LEPR: variants seen among roughly 807,000 people sequenced by gnomAD.
LEPR encodes the protein leptin receptor.
In LEPR, 56 loss-of-function variants were observed where a neutral mutation model predicts 114.7. That is an observed-to-expected ratio of 0.49 (90% CI 0.39 to 0.61). The LOEUF (loss-of-function observed/expected upper bound fraction) is 0.61. Among genes scored for constraint, LEPR ranks in the 20% least tolerant of loss-of-function variants. LEPR has a pLI of 0.00. For missense variants in LEPR, 1,202 were observed against 1,352.9 expected, an observed-to-expected ratio of 0.89 and a Z score of 1.75; for synonymous variants, 443 against 461.4, an observed-to-expected ratio of 0.96 and a Z score of 0.51.
At position 65,636,949 on chromosome 1, in the gene LEPR, A is replaced by G. The variant is rs1191434485; in HGVS notation, c.3432A>G (p.Gln1144=). ...SKKTFASYMP[Q]FQTCSTQTHK... is the part of the protein sequence containing the mutation. ...AGACTTTTGCATCTTACATGCCTCAATTCCAAACTTGTTCTACTCAGACTC... is the reference window on the plus strand; with the variant it reads ...AGACTTTTGCATCTTACATGCCTCAGTTCCAAACTTGTTCTACTCAGACTC... The change falls in exon 20 of 20, where the codon CAA becomes CAG. Residue 1144 remains glutamine (Q), a synonymous_variant. Transcript: ENST00000349533. The G allele has an allele frequency of 3.1e-6, 5 of 1,610,102 alleles. No homozygotes were observed. Among genetic ancestry groups the G allele is most frequent in the Middle Eastern group, 1.7e-4 (1 of 6,046 alleles).
At position 65,601,587 on chromosome 1, in the gene LEPR, A is replaced by G; in HGVS notation, c.1190A>G (p.Asn397Ser). The change falls in exon 9 of 20, where the codon AAT becomes AGT. Residue 397 changes from asparagine to serine, a missense_variant. Physicochemically the swap from Asn to Ser is conservative, Grantham distance 46. Transcript: ENST00000349533. ...HVSKVTFFNL[N>S]ETKPRGKFTY... ...AGCAAAGTTACTTTTTTCAATCTGAATGAAACCAAACCTCGAGGAAAGTTT... is the reference window on the plus strand; with the variant it reads ...AGCAAAGTTACTTTTTTCAATCTGAGTGAAACCAAACCTCGAGGAAAGTTT... 4 of 1,613,826 alleles carry G rather than the reference A, an allele frequency of 2.5e-6. No individual in the cohort carries two copies. The highest frequency in any genetic ancestry group is 3.4e-6 in the Non-Finnish European group (4 of 1,179,784).
chr1:65,433,489 G>A, intron 2 of LEPR: 1 of 985,310 alleles, frequency 1.0e-6, no homozygotes, highest in Non-Finnish European at 1.2e-6. Flanking sequence ...TAGTCTTTAA[G>A]CATTGTTAAA....
chr1:65,549,049 AT>A (rs1652043762), intron 2 of LEPR, among the ~76,000 whole-genome samples: 1 of 151,320 alleles, frequency 6.6e-6, no homozygotes, highest in African/African-American at 2.4e-5. Flanking sequence ...AAAGTATTTT[AT>A]TTCTCCTTCA....
chr1:65,635,912 A>G (rs892235155), intron 19 of LEPR, among the ~76,000 whole-genome samples: 18 of 152,176 alleles, frequency 1.2e-4, no homozygotes, highest in Non-Finnish European at 2.2e-4. Context: ...TTTAGAGATG[A>G]TGAAATTGAA....
chr1:65,574,450 G>A (rs555371499), intron 5 of LEPR, among the ~76,000 whole-genome samples: 26 of 152,082 alleles, frequency 1.7e-4, no homozygotes, highest in African/African-American at 6.3e-4. Context: ...TAAAAAATTA[G>A]GGGGGGTGGA....
At chr1:65,541,406 T>A (rs1175684220) in intron 2 of LEPR, among the ~76,000 whole-genome samples, 1 of 152,190 alleles carries the variant, frequency 6.6e-6, no homozygotes, top group Admixed American at 6.5e-5. Flanking sequence ...TCCTTATGCA[T>A]TTTTTAGGAA....
chr1:65,475,113 G>C (rs772246653), intron 2 of LEPR, among the ~76,000 whole-genome samples: 12 of 147,692 alleles, frequency 8.1e-5, no homozygotes, highest in Middle Eastern at 3.6e-3. Flanking sequence ...AAGTAAAGAA[G>C]CCTGAGACCA....
At chr1:65,621,308 A>G in intron 17 of LEPR, 45 bp from the exon 18 acceptor site, 1 of 1,536,730 alleles carries the variant, frequency 6.5e-7, no homozygotes. Context: ...AGAAATTAAT[A>G]TTTCCTCAAG....
At chr1:65,542,260 CT>C (rs554936310) in intron 2 of LEPR, among the ~76,000 whole-genome samples, 6 of 151,482 alleles carry the variant, frequency 4.0e-5, no homozygotes, top group Admixed American at 1.3e-4. Context: ...TCAACATAGG[CT>C]TTTTTTTCTT....
intron 2 of LEPR, among the ~76,000 whole-genome samples, chr1:65,483,480 A>C (rs1647320730): frequency 6.6e-6 from 1 of 152,144 alleles, no homozygotes; most frequent in Admixed American, 6.6e-5. Context: ...CTGTCTCCTA[A>C]GTTTTTGAGG....
chr1:65,501,106 G>C (rs1397467070), intron 2 of LEPR, among the ~76,000 whole-genome samples: 1 of 151,976 alleles, frequency 6.6e-6, no homozygotes, highest in African/African-American at 2.4e-5. Context: ...GAAACATTCT[G>C]GTTTTCTTAC....
At chr1:65,446,448 C>CA (rs1395186143) in intron 2 of LEPR, among the ~76,000 whole-genome samples, 1 of 152,174 alleles carries the variant, frequency 6.6e-6, no homozygotes, top group Non-Finnish European at 1.5e-5. Flanking sequence ...AGGTCACTTT[C>CA]ATTGCCATGT....
At chr1:65,449,580 TG>T (rs1216189481) in intron 2 of LEPR, among the ~76,000 whole-genome samples, 1 of 152,138 alleles carries the variant, frequency 6.6e-6, no homozygotes, top group Non-Finnish European at 1.5e-5. Flanking sequence ...GTGGAGCTGC[TG>T]CAGCTGAAGG....
rs754642660 is a variant in LEPR at position 65,636,966 on chromosome 1, C to T, written c.3449C>T (p.Thr1150Ile). ...SYMPQFQTCS[T>I]QTHKIMENKM... The stretch of plus-strand genomic sequence containing the variant: ...ATGCCTCAATTCCAAACTTGTTCTA[C>T]TCAGACTCATAAGATCATGGAAAAC... The change falls in exon 20 of 20, where the codon ACT (threonine) becomes ATT (isoleucine). Residue 1150 changes from threonine (T) to isoleucine (I), a missense_variant. Coordinates refer to ENST00000349533, the MANE Select transcript of LEPR (RefSeq NM_002303.6). 3 of 1,613,144 alleles carry T rather than the reference C, an allele frequency of 1.9e-6. No homozygotes were observed. The South Asian group carries it at 3.3e-5, about 18-fold the overall frequency.
chr1:65,543,616 T>A (rs1305122051), intron 2 of LEPR, among the ~76,000 whole-genome samples: 1 of 152,024 alleles, frequency 6.6e-6, no homozygotes, highest in Non-Finnish European at 1.5e-5. Flanking sequence ...TACATTTAAG[T>A]CTTTAATCCA....
In LEPR at chr1:65,488,451, C is replaced by A. The variant is rs1468944507; in HGVS notation, c.-21+63073C>A. Among the ~76,000 whole-genome samples the A allele has an allele frequency of 2.0e-5, 3 of 150,918 alleles. No individual in the cohort carries two copies. In the Admixed American group the frequency reaches 2.0e-4, roughly 10 times the overall value. On this transcript the variant is annotated intron_variant, in intron 2 of 19. Coordinates refer to ENST00000349533, the MANE Select transcript of LEPR (RefSeq NM_002303.6). Reference sequence around the variant, plus strand: ...GGCTGGAGCAATCCTCCCATCTCAGCCTCCCAAGTAGCTGGGACTACAGGT... The same window carrying A: ...GGCTGGAGCAATCCTCCCATCTCAGACTCCCAAGTAGCTGGGACTACAGGT...
chr1:65,427,248 G>T (rs1464774989), intron 2 of LEPR, among the ~76,000 whole-genome samples: 1 of 152,094 alleles, frequency 6.6e-6, no homozygotes, highest in Non-Finnish European at 1.5e-5. Context: ...CAAAGCCCAG[G>T]GTAGTTAAAG....
chr1:65,576,920 T>C (rs1402363400), intron 5 of LEPR: 7 of 357,696 alleles, frequency 2.0e-5, no homozygotes, highest in Non-Finnish European at 3.9e-5. Flanking sequence ...TATCATACTG[T>C]CCAAGTTCCT....
chr1:65,509,446 T>C (rs1303328770), intron 2 of LEPR, among the ~76,000 whole-genome samples: 3 of 148,582 alleles, frequency 2.0e-5, no homozygotes, highest in East Asian at 1.9e-4. Context: ...ATGATGATCA[T>C]ATGTTTTTTG....
Sources: gnomAD v4.1 joint callset for allele counts (sites outside exome capture counted in the v4.1 genomes callset) on GRCh38, gnomAD v4.1.1 for gene constraint, MANE v1.5 for transcripts, NCBI Gene and HGNC (gene_info 2026-07-23, HGNC 2026-07-21) for gene names.